RHAG: variants seen among roughly 807,000 people sequenced by gnomAD.
RHAG encodes the protein ammonium transporter Rh type A.
RHAG carries 25 observed loss-of-function variants against 42.4 expected under a neutral mutation model. The observed-to-expected ratio is 0.59, with a 90% CI of 0.43 to 0.82. RHAG has a LOEUF of 0.82. RHAG is among the 40% of genes least tolerant of loss of function. The pLI is 0.00. For missense variants in RHAG, 483 were observed against 504.6 expected (o/e 0.96, Z 0.41); for synonymous variants, 182 against 177.7 (o/e 1.02, Z -0.19).
chr6:49,614,191 T>TC (rs1762612131), intron 5 of RHAG, among the ~76,000 whole-genome samples: 1 of 149,430 alleles, frequency 6.7e-6, no homozygotes, highest in Non-Finnish European at 1.5e-5. Context: ...ATTTTTTTTT[T>TC]CTTTTTTTTT....
At chr6:49,615,080 T>G in intron 4 of RHAG, 1 of 507,066 alleles carries the variant, frequency 2.0e-6, no homozygotes, top group Non-Finnish European at 3.5e-6. Flanking sequence ...CCTGAGTAGC[T>G]GGGATTACAG....
rs75408955 is a variant in RHAG at position 49,613,444 on chromosome 6, A to C, written c.808-910T>G. 6.6e-3 allele frequency among the ~76,000 whole-genome samples: 1,008 copies of C among 152,356 alleles called. 29 individuals carry two copies. Among genetic ancestry groups the C allele is most frequent in the East Asian group, 0.056 (292 of 5,184 alleles). ...CTATTCTGTCTGAGAAGCAGAGGTC[A>C]TCAGTACTTTTAAAAGAGAAACACT... On this transcript the variant is annotated intron_variant, in intron 5 of 9. Coordinates refer to ENST00000371175, the MANE Select transcript of RHAG (RefSeq NM_000324.3).
chr6:49,617,615 G>T (rs544090595), intron 3 of RHAG, among the ~76,000 whole-genome samples: 50 of 152,092 alleles, frequency 3.3e-4, no homozygotes, highest in Admixed American at 7.2e-4. Flanking sequence ...TTCCTGGGGG[G>T]AATCAATGAA....
chr6:49,630,203 A>G (rs1484596622), intron 1 of RHAG, among the ~76,000 whole-genome samples: 2 of 152,212 alleles, frequency 1.3e-5, no homozygotes, highest in Non-Finnish European at 1.5e-5. Context: ...CATGTTGTGC[A>G]TATCCCTCTT....
rs762564427 is a variant in RHAG at position 49,605,819 on chromosome 6, C to A, written c.1224G>T (p.Thr408=). 1.9e-6 allele frequency: 3 copies of A among 1,613,122 alleles called. 1 individual carries two copies. Among genetic ancestry groups the A allele is most frequent in the South Asian group, 2.2e-5 (2 of 91,070 alleles). The change falls in exon 10 of 10, where the codon ACG becomes ACT. Residue 408 remains threonine (T), a synonymous_variant. Transcript: ENST00000371175. ...DDSVYWKVPK[T]R ...CATGGAACTGATTGTCAAGTTATCT[C>A]GTCTTAGGGACCTTTAAAAAAACAA... is the stretch of plus-strand genomic sequence containing the variant.
At chr6:49,633,778 A>T (rs1230860583) in intron 1 of RHAG, among the ~76,000 whole-genome samples, 1 of 152,076 alleles carries the variant, frequency 6.6e-6, no homozygotes, top group African/African-American at 2.4e-5. Context: ...GGCTGAAAAA[A>T]CATCTCTTGT....
At chr6:49,612,828 G>T (rs1762589208) in intron 5 of RHAG, among the ~76,000 whole-genome samples, 1 of 152,148 alleles carries the variant, frequency 6.6e-6, no homozygotes, top group Non-Finnish European at 1.5e-5. Flanking sequence ...GGGAGGGTAG[G>T]AGTGTTTAGA....
chr6:49,626,527 C>G (rs536165873), intron 1 of RHAG, among the ~76,000 whole-genome samples: 3 of 152,216 alleles, frequency 2.0e-5, no homozygotes, highest in Non-Finnish European at 4.4e-5. Context: ...GTACAGCCCC[C>G]TTTCCAGGCT....
At chr6:49,616,731 TA>T (rs1762661271) in intron 3 of RHAG, among the ~76,000 whole-genome samples, 1 of 152,224 alleles carries the variant, frequency 6.6e-6, no homozygotes, top group African/African-American at 2.4e-5. Flanking sequence ...TTCCTTTGTT[TA>T]CTAGACATAG....
chr6:49,607,112 G>C (rs1281405143), intron 8 of RHAG, 38 bp downstream of exon 8: 23 of 1,526,110 alleles, frequency 1.5e-5, no homozygotes, highest in Non-Finnish European at 2.1e-5. Flanking sequence ...TAATCTGAGA[G>C]CATAAGATAC....
chr6:49,609,508 C>A (rs772817748), intron 7 of RHAG, among the ~76,000 whole-genome samples: 2 of 152,174 alleles, frequency 1.3e-5, no homozygotes, highest in African/African-American at 2.4e-5. Flanking sequence ...TTCACACAGG[C>A]TTTTATCATG....
rs116306011 is a variant in RHAG at position 49,608,681 on chromosome 6, T to C, written c.1068-1461A>G. 8.0e-3 allele frequency among the ~76,000 whole-genome samples: 1,220 copies of C among 152,308 alleles called. 18 individuals are homozygous for C. Among genetic ancestry groups the C allele is most frequent in the African/African-American group, 0.027 (1,141 of 41,556 alleles). On this transcript the variant is annotated intron_variant, in intron 7 of 9. Transcript: ENST00000371175. ...CTTGAGCCACCGTGTCCGGTCTATA[T>C]ACTTCTTAAGAACTTTTCCAAATAG...
chr6:49,609,785 T>C (rs1019429335), intron 7 of RHAG, among the ~76,000 whole-genome samples: 2 of 152,232 alleles, frequency 1.3e-5, no homozygotes, highest in Non-Finnish European at 2.9e-5. Flanking sequence ...CTTTTTAAAT[T>C]ATGCACCTCT....
intron 7 of RHAG, 27 bp from the exon 8 acceptor site, chr6:49,607,247 G>C (rs776118603): frequency 4.3e-5 from 69 of 1,592,060 alleles, no homozygotes; most frequent in Non-Finnish European, 5.8e-5. Flanking sequence ...AAAAGAATCA[G>C]TGTCTTTCCT....
chr6:49,611,013 C>A lies in RHAG; in HGVS notation c.1067+11G>T, dbSNP rs933827303. On this transcript the variant is annotated intron_variant, in intron 7 of 9. Transcript: ENST00000371175. The stretch of plus-strand genomic sequence containing the variant: ...GACCACAGGGGCTGAAAAACCCATT[C>A]TTTTACTCACGTGTTGGAGGCGCCC... 2.5e-6 allele frequency: 4 copies of A among 1,613,660 alleles called. No individual in the cohort carries two copies. In the African/African-American group the frequency reaches 4.0e-5, roughly 16 times the overall value.
chr6:49,619,478 A>C, intron 1 of RHAG, 116 bp from the exon 2 acceptor site: 2 of 993,458 alleles, frequency 2.0e-6, no homozygotes, highest in Non-Finnish European at 3.1e-6. Context: ...CTAGGAAAAG[A>C]GAGCATTTAA....
intron 8 of RHAG, 33 bp from the exon 9 acceptor site, chr6:49,606,954 T>C (rs1762479846): frequency 6.6e-7 from 1 of 1,514,904 alleles, no homozygotes; most frequent in African/African-American, 1.4e-5. Context: ...AGTCATGTTG[T>C]GACGCTGAAG....
chr6:49,610,474 A>G (rs927937715), intron 7 of RHAG, among the ~76,000 whole-genome samples: 5 of 152,202 alleles, frequency 3.3e-5, no homozygotes, highest in African/African-American at 4.8e-5. Context: ...GGGATTTTGG[A>G]GAATAAATAC....
Position 49,606,832 on chromosome 6 carries a change from G to A in RHAG, c.1212+16C>T. The A allele has an allele frequency of 6.5e-7, 1 of 1,544,160 alleles. No individual in the cohort carries two copies. Among genetic ancestry groups the A allele is most frequent in the Non-Finnish European group, 9.0e-7 (1 of 1,116,634 alleles). On this transcript the variant is annotated intron_variant, in intron 9 of 9. Coordinates refer to ENST00000371175, the MANE Select transcript of RHAG (RefSeq NM_000324.3). ...GAGTCATCGTTCACATTCTTGTTTA[G>A]AATACTGTACAGTACCTTCCAATAA...
Sources: gnomAD v4.1 joint callset for allele counts (sites outside exome capture counted in the v4.1 genomes callset) on GRCh38, gnomAD v4.1.1 for gene constraint, MANE v1.5 for transcripts, NCBI Gene and HGNC (gene_info 2026-07-23, HGNC 2026-07-21) for gene names.